Variants in TMPRSS5 observed in about 807,000 individuals in gnomAD.
TMPRSS5 encodes the protein transmembrane protease serine 5.
In TMPRSS5, 45 loss-of-function variants were observed where a neutral mutation model predicts 59.7. The ratio of observed to expected loss-of-function variants is 0.75; its 90% CI spans 0.59 to 0.97. The LOEUF is 0.97. TMPRSS5 is among the 50% of genes least tolerant of loss of function. The probability of loss-of-function intolerance (pLI) is 0.00; values close to 1 mark genes in which losing one functional copy is unlikely to be tolerated. For synonymous variants in TMPRSS5, 225 were observed against 232.0 expected, an observed-to-expected ratio of 0.97 and a Z score of 0.27; for missense variants, 585 against 596.7, an observed-to-expected ratio of 0.98 and a Z score of 0.20.
In TMPRSS5 at chr11:113,701,490, G is replaced by A. The variant is rs369771691; in HGVS notation, c.4-1322C>T. ...GGAACTTTGGTGGTTTTTTTTTGGC[G>A]GGGGGGGGTGTTTTGTTCAACTTTA... On this transcript the variant is annotated intron_variant, in intron 1 of 12. Coordinates refer to ENST00000299882, the MANE Select transcript of TMPRSS5 (RefSeq NM_030770.4). Among the ~76,000 whole-genome samples, 16 of 27,990 alleles carry A rather than the reference G, an allele frequency of 5.7e-4. No homozygotes were observed. In the South Asian group the frequency reaches 0.016, roughly 27 times the overall value. 18.4% of individuals were successfully genotyped at this position (27,990 alleles called of 152,430 possible). A position where few individuals can be genotyped will look rare whatever the true frequency, so the allele number is the denominator to read the frequency against.
At chr11:113,699,462 T>G in intron 3 of TMPRSS5, 133 bp downstream of exon 3, 1 of 737,048 alleles carries the variant, frequency 1.4e-6, no homozygotes, top group South Asian at 1.9e-5. Flanking sequence ...CCTGCTGCAA[T>G]TTCACCCTTT....
At chr11:113,692,887 A>C (rs1952821759) in intron 9 of TMPRSS5, among the ~76,000 whole-genome samples, 184 bp downstream of exon 9, 1 of 152,300 alleles carries the variant, frequency 6.6e-6, no homozygotes, top group Admixed American at 6.5e-5. Context: ...GAGCCTGTAC[A>C]AGAGTTGATA....
At chr11:113,690,399 C>G (rs1427739258) in intron 10 of TMPRSS5, 26 bp from the exon 11 acceptor site, 24 of 1,595,408 alleles carry the variant, frequency 1.5e-5, no homozygotes, top group Middle Eastern at 3.3e-4. Flanking sequence ...AGAAAAACTG[C>G]AGGGCACAAA....
rs1471345587 is a variant in TMPRSS5, at chr11:113,699,033, GAGA to G, written c.206-9_206-7del. The G allele has an allele frequency of 1.9e-6, 3 of 1,611,192 alleles. No individual in the cohort carries two copies. The highest frequency in any genetic ancestry group is 2.5e-6 in the Non-Finnish European group (3 of 1,178,846). ...AGCAGGACACAGATACAGCACTTTA[GAGA>G]AGAACAAAGAGAAAGGGTCTGATTT... On this transcript the variant is annotated splice_polypyrimidine_tract_variant and splice_region_variant and intron_variant, in intron 3 of 12. Coordinates refer to ENST00000299882, the MANE Select transcript of TMPRSS5 (RefSeq NM_030770.4).
intron 1 of TMPRSS5, among the ~76,000 whole-genome samples, chr11:113,701,882 C>T (rs1953147869): frequency 6.6e-6 from 1 of 152,002 alleles, no homozygotes; most frequent in Non-Finnish European, 1.5e-5. Flanking sequence ...GTTTGCTGCA[C>T]CCATCAACCC....
At chr11:113,697,247 T>A in intron 5 of TMPRSS5, 36 bp downstream of exon 5, 1 of 1,588,918 alleles carries the variant, frequency 6.3e-7, no homozygotes, top group South Asian at 1.1e-5. Flanking sequence ...CAGCCAGGCC[T>A]CCCCCTTCAC....
At chr11:113,690,176 G>GCCCCCCCCCCCCCCCCCCCCCC in intron 11 of TMPRSS5, 55 bp downstream of exon 11, 2 of 388,228 alleles carry the variant, frequency 5.2e-6, no homozygotes, top group South Asian at 4.3e-5. Flanking sequence ...CAGGCCCCCT[G>GCCCCCCCCCCCCCCCCCCCCCC]CCCTCCCACC....
intron 11 of TMPRSS5, 29 bp from the exon 12 acceptor site, chr11:113,689,946 G>A (rs766602355): frequency 1.4e-5 from 21 of 1,515,306 alleles, no homozygotes; most frequent in Middle Eastern, 1.7e-4. Context: ...GAGACACAGA[G>A]AAACAGCCAG....
At chr11:113,705,371 T>C (rs1379559266) in intron 1 of TMPRSS5, among the ~76,000 whole-genome samples, 1 of 152,076 alleles carries the variant, frequency 6.6e-6, no homozygotes, top group Non-Finnish European at 1.5e-5. Flanking sequence ...AGAGCACCCA[T>C]GCCAGTTCAG....
At chr11:113,690,176 G>GGCCCCCCCCCCCCCC in intron 11 of TMPRSS5, 55 bp downstream of exon 11, 6 of 388,222 alleles carry the variant, frequency 1.5e-5, no homozygotes, top group African/African-American at 3.0e-5. Context: ...CAGGCCCCCT[G>GGCCCCCCCCCCCCCC]CCCTCCCACC....
At chr11:113,704,784 T>C (rs1451453604) in intron 1 of TMPRSS5, among the ~76,000 whole-genome samples, 4 of 148,954 alleles carry the variant, frequency 2.7e-5, no homozygotes, top group Non-Finnish European at 5.9e-5. Context: ...TCTCTCTCCT[T>C]TCTCACTGGT....
At chr11:113,688,915 A>C (rs1952678978) in intron 12 of TMPRSS5, among the ~76,000 whole-genome samples, 1 of 152,188 alleles carries the variant, frequency 6.6e-6, no homozygotes, top group South Asian at 2.1e-4. Context: ...GAACAGATGA[A>C]GGAGAGTGGC....
At chr11:113,690,694 T>C in intron 10 of TMPRSS5, 147 bp downstream of exon 10, 1 of 777,358 alleles carries the variant, frequency 1.3e-6, no homozygotes, top group Non-Finnish European at 2.1e-6. Context: ...CAGGGGAGAC[T>C]GGAGACCCTA....
chr11:113,690,562 A>G (rs1952746098), intron 10 of TMPRSS5, among the ~76,000 whole-genome samples, 189 bp from the exon 11 acceptor site: 1 of 152,074 alleles, frequency 6.6e-6, no homozygotes, highest in African/African-American at 2.4e-5. Flanking sequence ...TGGGAAGAGC[A>G]GGAGGACTCA....
At chr11:113,697,824 T>C (rs77655946) in intron 4 of TMPRSS5, among the ~76,000 whole-genome samples, 1,852 of 152,266 alleles carry the variant, frequency 0.012, 43 homozygotes, top group African/African-American at 0.042. Flanking sequence ...GTGATAATAA[T>C]AATTACCAGT....
intron 9 of TMPRSS5, among the ~76,000 whole-genome samples, chr11:113,692,645 G>C (rs761251310): frequency 5.3e-5 from 8 of 152,172 alleles, no homozygotes; most frequent in Non-Finnish European, 1.2e-4. Context: ...GCTCTTGTCT[G>C]TATCTACCTG....
At chr11:113,704,981 TTAA>T (rs1203758065) in intron 1 of TMPRSS5, among the ~76,000 whole-genome samples, 2 of 152,072 alleles carry the variant, frequency 1.3e-5, no homozygotes, top group African/African-American at 4.8e-5. Context: ...TATAATAATA[TTAA>T]TAAGAACTAC....
chr11:113,704,350 G>A (rs746073266), intron 1 of TMPRSS5, among the ~76,000 whole-genome samples: 4 of 152,086 alleles, frequency 2.6e-5, no homozygotes, highest in African/African-American at 4.8e-5. Flanking sequence ...CTCCCTCCTC[G>A]AGTATCTTGT....
intron 1 of TMPRSS5, among the ~76,000 whole-genome samples, chr11:113,705,310 C>G (rs1483993972): frequency 6.6e-6 from 1 of 152,198 alleles, no homozygotes; most frequent in East Asian, 1.9e-4. Flanking sequence ...TTGTCAGACT[C>G]ACCTAGGTCA....
Sources: allele counts gnomAD v4.1 joint callset (sites outside exome capture counted in the v4.1 genomes callset), GRCh38; gene constraint gnomAD v4.1.1; transcripts MANE v1.5; gene names NCBI Gene and HGNC (gene_info 2026-07-23, HGNC 2026-07-21).